The following HYLS1 variants were observed in gnomAD, a reference collection of about 807,000 sequenced individuals.
The protein encoded by HYLS1 is centriolar and ciliogenesis-associated protein HYLS1.
In HYLS1, 25 loss-of-function variants were observed where a neutral mutation model predicts 29.4. That is an observed-to-expected ratio of 0.85 (90% CI 0.62 to 1.19). The LOEUF (loss-of-function observed/expected upper bound fraction) is 1.19. HYLS1 is among the 50% of genes most tolerant of loss of function. The pLI, the probability that HYLS1 is intolerant of heterozygous loss-of-function variation, is 0.00. For synonymous variants in HYLS1, 128 were observed against 126.7 expected, an observed-to-expected ratio of 1.01 and a Z score of -0.07; for missense variants, 352 against 365.1, an observed-to-expected ratio of 0.96 and a Z score of 0.29.
At chr11:125,885,140 T>G (rs1944283824), upstream of HYLS1, among the ~76,000 whole-genome samples, 1 of 152,046 alleles carries the variant, frequency 6.6e-6, no homozygotes, top group Non-Finnish European at 1.5e-5. Context: ...AGATCAAAAT[T>G]TAATAAAAAG....
intron 2 of HYLS1, among the ~76,000 whole-genome samples, chr11:125,892,070 T>G (rs1449046014): frequency 5.3e-5 from 8 of 152,240 alleles, no homozygotes; most frequent in Non-Finnish European, 1.2e-4. Flanking sequence ...AGTAAAACTT[T>G]GGATCTCATA....
In HYLS1 at chr11:125,895,191, G is replaced by T. The variant is rs1455539922; in HGVS notation, c.-26+3719G>T. On this transcript the variant is annotated intron_variant, in intron 2 of 2. Transcript: ENST00000425380. The stretch of plus-strand genomic sequence containing the variant: ...GCGTCCCGAGTAGCTGGGACTACAG[G>T]CATGTGCCATTTATTTTTTATTTTT... The T allele has an allele frequency of 6.0e-6, 9 of 1,507,560 alleles. No homozygotes were observed. The African/African-American group carries it at 7.0e-5, about 12-fold the overall frequency. 93.4% of individuals were successfully genotyped at this position (1,507,560 alleles called of 1,614,324 possible).
intron 2 of HYLS1, chr11:125,893,822 C>G (rs750439608): frequency 1.9e-6 from 3 of 1,613,738 alleles, no homozygotes; most frequent in Non-Finnish European, 8.5e-7. Context: ...AACACAGACC[C>G]TCTTCGTTGG....
intron 2 of HYLS1, among the ~76,000 whole-genome samples, chr11:125,893,287 A>ATT (rs200170983): frequency 0.021 from 3,251 of 152,364 alleles, 110 homozygotes; most frequent in African/African-American, 0.071. Flanking sequence ...GCTTTGTAAG[A>ATT]TAAGGTACTG....
chr11:125,885,971 G>T (rs1345734694), upstream of HYLS1, among the ~76,000 whole-genome samples: 1 of 152,016 alleles, frequency 6.6e-6, no homozygotes, highest in African/African-American at 2.4e-5. Context: ...CAAGCTCAGG[G>T]CTCCCACTGA....
intron 2 of HYLS1, chr11:125,893,859 C>A (rs369846617): frequency 6.2e-7 from 1 of 1,613,930 alleles, no homozygotes; most frequent in Non-Finnish European, 8.5e-7. Context: ...TTCTCTTCCT[C>A]TAGTGTGTCA....
intron 1 of HYLS1, among the ~76,000 whole-genome samples, chr11:125,891,102 G>A (rs550306401): frequency 7.4e-4 from 113 of 152,228 alleles, no homozygotes; most frequent in Middle Eastern, 3.4e-3. Context: ...AGAGACTTCG[G>A]ATTTGTACAA....
intron 2 of HYLS1, chr11:125,896,038 C>G: frequency 6.2e-7 from 1 of 1,614,190 alleles, no homozygotes; most frequent in Middle Eastern, 1.6e-4. Flanking sequence ...TTTGTGTTTT[C>G]CTGACTAGCA....
At chr11:125,895,323 A>G in intron 2 of HYLS1, 14 of 1,614,166 alleles carry the variant, frequency 8.7e-6, no homozygotes, top group Non-Finnish European at 1.2e-5. Context: ...GATAGCCATC[A>G]TACATCGGAC....
rs1218855466 is a variant in HYLS1, at chr11:125,900,250, C to T, written c.882C>T (p.Phe294=). 6.2e-7 allele frequency: 1 copy of T among 1,614,150 alleles called. No homozygotes were observed. The highest frequency in any genetic ancestry group is 1.7e-5 in the Admixed American group (1 of 60,016). ...ANGVIPRKLP[F]PLSPS is the part of the protein sequence containing the mutation. The stretch of plus-strand genomic sequence containing the variant: ...GTGTCATACCCAGGAAGCTTCCCTT[C>T]CCTCTTTCTCCTTCTTAAATCTTTT... The change falls in exon 3 of 3, where the codon TTC becomes TTT. Residue 294 remains phenylalanine, a synonymous_variant. Coordinates refer to ENST00000425380, the MANE Select transcript of HYLS1 (RefSeq NM_001134793.2).
intron 1 of HYLS1, among the ~76,000 whole-genome samples, chr11:125,890,791 A>G (rs1414139079): frequency 6.6e-6 from 1 of 152,230 alleles, no homozygotes; most frequent in African/African-American, 2.4e-5. Context: ...ACAGTTACCT[A>G]TGGACCTTAT....
intron 2 of HYLS1, among the ~76,000 whole-genome samples, chr11:125,898,747 C>A (rs1281201788): frequency 6.6e-6 from 1 of 150,678 alleles, no homozygotes; most frequent in Non-Finnish European, 1.5e-5. Flanking sequence ...TGTGAGAGAA[C>A]ACAACACTGC....
intron 1 of HYLS1, chr11:125,888,266 T>G (rs1351219801): frequency 6.6e-6 from 1 of 152,284 alleles, no homozygotes; most frequent in Non-Finnish European, 1.5e-5. Flanking sequence ...AAGGTGTTTG[T>G]CCACCCCGAA....
intron 2 of HYLS1, chr11:125,895,674 T>G: frequency 6.2e-7 from 1 of 1,614,092 alleles, no homozygotes; most frequent in Non-Finnish European, 8.5e-7. Flanking sequence ...GAGTACCCGA[T>G]TGAGAATGTG....
Position 125,900,422 on chromosome 11 carries a change from T to C in HYLS1, c.*154T>C. ...GGTCTTTCCTAGCTATATATCACATTGGTATCAGATGATACTTCCAAATTG... is the reference window on the plus strand; with the variant it reads ...GGTCTTTCCTAGCTATATATCACATCGGTATCAGATGATACTTCCAAATTG... On this transcript the variant is annotated 3_prime_UTR_variant, in exon 3 of 3. Coordinates refer to ENST00000425380, the MANE Select transcript of HYLS1 (RefSeq NM_001134793.2). The C allele has an allele frequency of 1.5e-6, 1 of 677,828 alleles. No homozygotes were observed. The highest frequency in any genetic ancestry group is 2.8e-5 in the East Asian group (1 of 36,006). 42.0% of individuals were successfully genotyped at this position (677,828 alleles called of 1,614,324 possible). A position where few individuals can be genotyped will look rare whatever the true frequency, so the allele number is the denominator to read the frequency against.
intron 2 of HYLS1, chr11:125,893,519 C>A: frequency 3.4e-6 from 1 of 298,464 alleles, no homozygotes. Context: ...AATTTGAATA[C>A]AAGGCACAGG....
chr11:125,895,571 G>GA (rs1171176058), intron 2 of HYLS1: 10 of 1,614,084 alleles, frequency 6.2e-6, no homozygotes, highest in Admixed American at 3.3e-5. Context: ...CAGCACGAGG[G>GA]AAAAAATAGC....
chr11:125,884,871 T>C (rs1316115211), upstream of HYLS1, among the ~76,000 whole-genome samples: 2 of 152,210 alleles, frequency 1.3e-5, no homozygotes, highest in East Asian at 3.8e-4. Flanking sequence ...ATTTTTAAGA[T>C]GAGATTTGGT....
At chr11:125,889,383 T>C (rs1944368973) in intron 1 of HYLS1, among the ~76,000 whole-genome samples, 1 of 152,238 alleles carries the variant, frequency 6.6e-6, no homozygotes, top group East Asian at 1.9e-4. Flanking sequence ...TTGGAATAAA[T>C]TCCTGGAAGT....
Sources: gnomAD v4.1 joint callset for allele counts (sites outside exome capture counted in the v4.1 genomes callset) on GRCh38, gnomAD v4.1.1 for gene constraint, MANE v1.5 for transcripts, NCBI Gene and HGNC (gene_info 2026-07-23, HGNC 2026-07-21) for gene names.